The following KIF1A variants were observed in gnomAD, a reference collection of about 807,000 sequenced individuals.
The protein encoded by KIF1A is kinesin family member 1A.
Under a neutral mutation model 227.3 loss-of-function variants are expected in KIF1A, and 46 were observed. The ratio of observed to expected loss-of-function variants is 0.20; its 90% CI spans 0.16 to 0.26. KIF1A has a LOEUF of 0.26. Ranked by LOEUF, KIF1A falls within the 10% of genes least tolerant of loss-of-function variation. The pLI is 1.00. For missense variants in KIF1A, 1,683 were observed against 2,485.9 expected, an observed-to-expected ratio of 0.68 and a Z score of 6.87; for synonymous variants, 1,022 against 1,012.8, an observed-to-expected ratio of 1.01 and a Z score of -0.17.
At chr2:240,818,352 G>A (rs531286653) in intron 1 of KIF1A, among the ~76,000 whole-genome samples, 11 of 152,184 alleles carry the variant, frequency 7.2e-5, no homozygotes, top group Non-Finnish European at 1.3e-4. Flanking sequence ...CCCTCAGCCA[G>A]CGGCCTTACC....
intron 28 of KIF1A, among the ~76,000 whole-genome samples, chr2:240,748,122 A>T (rs2048815400): frequency 6.6e-6 from 1 of 152,234 alleles, no homozygotes; most frequent in Non-Finnish European, 1.5e-5. Context: ...GACGCAGCCC[A>T]GGATAGGAGC....
Position 240,724,055 on chromosome 2 carries a change from G to A in KIF1A, c.4257-19C>T, listed in dbSNP as rs756422895. On this transcript the variant is annotated intron_variant, in intron 40 of 48. Transcript: ENST00000498729. ...ACGGTTACTGTGGGGAGTAGAAGGA[G>A]TGACATGCAGTCACCAGGCCCCGCA... The A allele has an allele frequency of 5.6e-6, 9 of 1,609,460 alleles. No homozygotes were observed. The Admixed American group carries it at 1.5e-4, about 27-fold the overall frequency.
chr2:240,732,765 AG>A, intron 38 of KIF1A, among the ~76,000 whole-genome samples: 1 of 57,138 alleles, frequency 1.8e-5, no homozygotes, highest in Non-Finnish European at 3.2e-5. Flanking sequence ...AGGGGGAATG[AG>A]GGAGGGATAA....
At chr2:240,731,628 C>T (rs541503880) in intron 38 of KIF1A, among the ~76,000 whole-genome samples, 87 of 152,312 alleles carry the variant, frequency 5.7e-4, no homozygotes, top group African/African-American at 1.9e-3. Context: ...CGGCCCTGAC[C>T]GGGAGCTGCC....
rs753500107 is a variant in KIF1A, at chr2:240,774,194, A to G, written c.1026T>C (p.Leu342=). 6 of 1,601,328 alleles carry G rather than the reference A, an allele frequency of 3.7e-6. No individual in the cohort carries two copies. The South Asian group carries it at 6.6e-5, about 18-fold the overall frequency. The change falls in exon 12 of 49, where the codon CTT becomes CTC. Residue 342 remains leucine (L), a synonymous_variant. Coordinates refer to ENST00000498729, the MANE Select transcript of KIF1A (RefSeq NM_001244008.2). ...SPADINYDET[L]STLRYADRAK... is the part of the protein sequence containing the mutation. Reference sequence around the variant, plus strand: ...CCTGGAGAACTCACCTCAGCGTGCTAAGGGTCTCATCGTAGTTGATGTCTG... The same window carrying G: ...CCTGGAGAACTCACCTCAGCGTGCTGAGGGTCTCATCGTAGTTGATGTCTG...
intron 1 of KIF1A, among the ~76,000 whole-genome samples, chr2:240,803,402 C>T (rs372675370): frequency 1.3e-5 from 2 of 152,236 alleles, no homozygotes; most frequent in South Asian, 2.1e-4. Flanking sequence ...CCAAGGCTTG[C>T]CTTGGGAGGG....
rs1308841763 is a variant in KIF1A at position 240,719,145 on chromosome 2, C to G, written c.5075G>C (p.Gly1692Ala). ...CACCACCACGAAGCGCCTGGCCCAG[C>G]CTGACGTGTGCGGCTCCAGGAAGTG... ...YLHFLEPHTS[G>A]WARRFVVVRR... Residue 1692 changes from glycine (G) to alanine (A), a missense_variant, in exon 47 of 49, where the codon GGC (glycine) becomes GCC (alanine). This residue lies in a region of KIF1A where 384 missense variants were observed against 410.1 expected (regional missense o/e 0.94). Transcript: ENST00000498729. 6.2e-7 allele frequency: 1 copy of G among 1,612,384 alleles called. No individual in the cohort carries two copies. Among genetic ancestry groups the G allele is most frequent in the South Asian group, 1.1e-5 (1 of 91,014 alleles).
At chr2:240,774,471 C>A (rs530721866) in intron 11 of KIF1A, among the ~76,000 whole-genome samples, 2 of 148,178 alleles carry the variant, frequency 1.3e-5, no homozygotes, top group African/African-American at 5.0e-5. Context: ...CATCTCTGAA[C>A]CAGGCACCGC....
rs2050167955 is a variant in KIF1A, at chr2:240,758,810, G to T, written c.2445-313C>A. Among the ~76,000 whole-genome samples the T allele has an allele frequency of 6.6e-6, 1 of 152,230 alleles. No homozygotes were observed. Among genetic ancestry groups the T allele is most frequent in the South Asian group, 2.1e-4 (1 of 4,834 alleles). On this transcript the variant is annotated intron_variant, in intron 25 of 48. Coordinates refer to ENST00000498729, the MANE Select transcript of KIF1A (RefSeq NM_001244008.2). The surrounding 1 kb of genome is among the most constrained non-coding windows in gnomAD (Gnocchi z 5.2). Reference sequence around the variant, plus strand: ...GGCGGCACTGGGCTGCTGGAAAGCTGGCGGAGAGGTGGGAAGAGAACCCAA... The same window carrying T: ...GGCGGCACTGGGCTGCTGGAAAGCTTGCGGAGAGGTGGGAAGAGAACCCAA...
In KIF1A at chr2:240,758,899, TG is replaced by T. The variant is rs1241620206; in HGVS notation, c.2445-403del. On this transcript the variant is annotated intron_variant, in intron 25 of 48. Coordinates refer to ENST00000498729, the MANE Select transcript of KIF1A (RefSeq NM_001244008.2). This position sits in a 1 kb window ranked among gnomAD's most constrained non-coding sequence, Gnocchi z 5.2. ...AGAGCTCGAGGAATAAAGGGCAAACTGGGGGTAGGGACACAGAAGACAGAGA... is the reference window on the plus strand; with the variant it reads ...AGAGCTCGAGGAATAAAGGGCAAACTGGGGTAGGGACACAGAAGACAGAGA... Among the ~76,000 whole-genome samples the T allele has an allele frequency of 1.3e-5, 2 of 152,074 alleles. No individual in the cohort carries two copies. Among genetic ancestry groups the T allele is most frequent in the Non-Finnish European group, 2.9e-5 (2 of 68,020 alleles).
At position 240,739,395 on chromosome 2, in the gene KIF1A, G is replaced by A. The variant is rs2047705142; in HGVS notation, c.3901+663C>T. Among the ~76,000 whole-genome samples the A allele has an allele frequency of 6.6e-6, 1 of 152,228 alleles. No homozygotes were observed. Among genetic ancestry groups the A allele is most frequent in the African/African-American group, 2.4e-5 (1 of 41,464 alleles). On this transcript the variant is annotated intron_variant, in intron 37 of 48. Transcript: ENST00000498729. The surrounding 1 kb of genome is among the most constrained non-coding windows in gnomAD (Gnocchi z 5.6). ...AAAAGAGTGTAAGATCCTTGGTGATGGTTATGGGAGGAATTGTGTCCCCGA... is the reference window on the plus strand; with the variant it reads ...AAAAGAGTGTAAGATCCTTGGTGATAGTTATGGGAGGAATTGTGTCCCCGA...
At chr2:240,777,082 T>C (rs1463071353) in intron 10 of KIF1A, among the ~76,000 whole-genome samples, 2 of 152,202 alleles carry the variant, frequency 1.3e-5, no homozygotes, top group Non-Finnish European at 2.9e-5. Context: ...TCTCCCTCTG[T>C]CACCAGGCTG....
intron 8 of KIF1A, among the ~76,000 whole-genome samples, chr2:240,783,460 A>G (rs1459822657): frequency 2.6e-5 from 4 of 152,146 alleles, no homozygotes; most frequent in African/African-American, 7.2e-5. Context: ...TGGTGCCCCA[A>G]TCTCCCCAGG....
intron 25 of KIF1A, 65 bp downstream of exon 25, chr2:240,760,600 C>T: frequency 7.6e-7 from 1 of 1,315,224 alleles, no homozygotes; most frequent in Non-Finnish European, 1.0e-6. Flanking sequence ...TACCACCGCT[C>T]CTGTGGCTTC....
chr2:240,757,713 T>C lies in KIF1A; in HGVS notation c.2583-119A>G. On this transcript the variant is annotated intron_variant, in intron 26 of 48. Transcript: ENST00000498729. This position sits in a 1 kb window ranked among gnomAD's most constrained non-coding sequence, Gnocchi z 6.2. ...AAACCAAAACCAAACACACAGACCA[T>C]CGAGAATGCTGCTTTAAAAGATGAG... 2.2e-6 allele frequency: 2 copies of C among 915,670 alleles called. No individual in the cohort carries two copies. Among genetic ancestry groups the C allele is most frequent in the Admixed American group, 2.9e-5 (1 of 34,694 alleles). 56.7% of individuals were successfully genotyped at this position (915,670 alleles called of 1,614,324 possible).
chr2:240,769,270 C>G, intron 16 of KIF1A, 62 bp from the exon 17 acceptor site: 1 of 1,459,620 alleles, frequency 6.9e-7, no homozygotes, highest in Non-Finnish European at 9.4e-7. Context: ...GGCCTCAGCC[C>G]TGGCTGACCA....
rs1037420029 is a variant in KIF1A, at chr2:240,736,378, G to A, written c.4007+685C>T. Among the ~76,000 whole-genome samples, 15 of 152,096 alleles carry A rather than the reference G, an allele frequency of 9.9e-5. No individual in the cohort carries two copies. Among genetic ancestry groups the A allele is most frequent in the African/African-American group, 2.9e-4 (12 of 41,482 alleles). On this transcript the variant is annotated intron_variant, in intron 38 of 48. Transcript: ENST00000498729. The surrounding 1 kb of genome is among the most constrained non-coding windows in gnomAD (Gnocchi z 4.7). ...GCCCCTGGAAGGCAGCGTCTGGGAC[G>A]CAGTGGAGCCCGCGGGACGTCCCCA...
chr2:240,790,176 G>A lies in KIF1A; in HGVS notation c.107-864C>T, dbSNP rs1047913945. ...ATGTCCTCAGTGGCCGGAAGGACAGGACCCGCTGCCCCCTGGAACACTGTC... is the reference window on the plus strand; with the variant it reads ...ATGTCCTCAGTGGCCGGAAGGACAGAACCCGCTGCCCCCTGGAACACTGTC... On this transcript the variant is annotated intron_variant, in intron 2 of 48. Coordinates refer to ENST00000498729, the MANE Select transcript of KIF1A (RefSeq NM_001244008.2). This position sits in a 1 kb window ranked among gnomAD's most constrained non-coding sequence, Gnocchi z 5.0. Among the ~76,000 whole-genome samples the A allele has an allele frequency of 6.6e-6, 1 of 152,188 alleles. No homozygotes were observed. Among genetic ancestry groups the A allele is most frequent in the Non-Finnish European group, 1.5e-5 (1 of 68,036 alleles).
At chr2:240,727,961 T>C (rs1216809104) in intron 38 of KIF1A, among the ~76,000 whole-genome samples, 1 of 152,152 alleles carries the variant, frequency 6.6e-6, no homozygotes, top group Non-Finnish European at 1.5e-5. Context: ...CTGCAGACCC[T>C]GAGCAGCACG....
Sources: gnomAD v4.1 joint callset for allele counts (sites outside exome capture counted in the v4.1 genomes callset) on GRCh38, gnomAD v4.1.1 for gene constraint, gnomAD v4.1.1 regional missense constraint, Gnocchi (gnomAD v3.1) non-coding constraint, MANE v1.5 for transcripts, NCBI Gene and HGNC (gene_info 2026-07-23, HGNC 2026-07-21) for gene names.